Variants in TOM1L2 observed in about 807,000 individuals in gnomAD.
TOM1L2 encodes target of myb1 like 2 membrane trafficking protein, also known as TOM1-like protein 2.
TOM1L2 carries 31 observed loss-of-function variants against 67.9 expected under a neutral mutation model. That is an observed-to-expected ratio of 0.46 (90% CI 0.34 to 0.62). The LOEUF (loss-of-function observed/expected upper bound fraction) is 0.62, where lower values mean the gene tolerates loss of function less well. Among genes scored for constraint, TOM1L2 ranks in the 20% least tolerant of loss-of-function variants. The pLI is 0.01. For synonymous variants in TOM1L2, 256 were observed against 254.0 expected (o/e 1.01, Z -0.07); for missense variants, 606 against 663.5 (o/e 0.91, Z 0.95).
chr17:17,894,917 C>CAA (rs1568193620), intron 3 of TOM1L2, among the ~76,000 whole-genome samples: 1 of 151,770 alleles, frequency 6.6e-6, no homozygotes, highest in African/African-American at 2.4e-5. Flanking sequence ...GGCAACAGAA[C>CAA]AAAACTCTGT....
rs2035732122 is a variant in TOM1L2, at chr17:17,847,802, C to A, written c.1376-19G>T. On this transcript the variant is annotated intron_variant, in intron 14 of 14. Coordinates refer to ENST00000379504, the MANE Select transcript of TOM1L2 (RefSeq NM_001082968.2). ...TCAAACTCTGCAATACAAACCAAGG[C>A]AAGGGTCAGGGTTGGTGAGGGCAGG... is the stretch of plus-strand genomic sequence containing the variant. The A allele has an allele frequency of 6.2e-7, 1 of 1,613,650 alleles. No individual in the cohort carries two copies. Among genetic ancestry groups the A allele is most frequent in the Non-Finnish European group, 8.5e-7 (1 of 1,179,896 alleles).
chr17:17,908,978 C>T (rs573269918), intron 1 of TOM1L2, among the ~76,000 whole-genome samples: 38 of 152,200 alleles, frequency 2.5e-4, no homozygotes, highest in South Asian at 8.3e-4. Flanking sequence ...GTCAGGAGAT[C>T]GAGACCATCT....
chr17:17,925,249 T>C (rs1324835418), intron 1 of TOM1L2, among the ~76,000 whole-genome samples: 1 of 152,092 alleles, frequency 6.6e-6, no homozygotes, highest in Non-Finnish European at 1.5e-5. Flanking sequence ...ATACAGCCAT[T>C]ATAAGTAATA....
intron 3 of TOM1L2, among the ~76,000 whole-genome samples, chr17:17,897,745 C>T (rs1598290624): frequency 6.6e-6 from 1 of 152,120 alleles, no homozygotes. Context: ...CTCAGTACAC[C>T]TCACTAGCTG....
chr17:17,970,947 G>A (rs1193963112), intron 1 of TOM1L2, among the ~76,000 whole-genome samples: 1 of 152,172 alleles, frequency 6.6e-6, no homozygotes, highest in African/African-American at 2.4e-5. Flanking sequence ...TGATCAAGTG[G>A]CATAAGCCAC....
chr17:17,947,887 A>G (rs1187599312), intron 1 of TOM1L2, among the ~76,000 whole-genome samples: 1 of 152,192 alleles, frequency 6.6e-6, no homozygotes, highest in Non-Finnish European at 1.5e-5. Flanking sequence ...AAAATAAAGA[A>G]AAATCTTTGT....
chr17:17,951,199 T>C (rs2144898064), intron 1 of TOM1L2, among the ~76,000 whole-genome samples: 1 of 152,244 alleles, frequency 6.6e-6, no homozygotes, highest in South Asian at 2.1e-4. Flanking sequence ...GCAAGGAAAA[T>C]GACCAGCACC....
intron 6 of TOM1L2, among the ~76,000 whole-genome samples, chr17:17,881,883 T>C (rs777786312): frequency 5.9e-5 from 9 of 152,330 alleles, no homozygotes; most frequent in Non-Finnish European, 1.2e-4. Flanking sequence ...GCTTGACCCC[T>C]CTGCTTCAGT....
At chr17:17,902,150 T>G (rs2038887483) in intron 2 of TOM1L2, among the ~76,000 whole-genome samples, 1 of 152,180 alleles carries the variant, frequency 6.6e-6, no homozygotes, top group African/African-American at 2.4e-5. Context: ...CACTCCAGCC[T>G]GGGCGACAAG....
intron 1 of TOM1L2, among the ~76,000 whole-genome samples, chr17:17,948,828 A>T (rs1470743128): frequency 6.6e-6 from 1 of 151,254 alleles, no homozygotes; most frequent in Non-Finnish European, 1.5e-5. Flanking sequence ...TCAACCCCAC[A>T]CTCTCCACAC....
intron 2 of TOM1L2, among the ~76,000 whole-genome samples, chr17:17,904,858 G>C (rs1053054508): frequency 6.6e-6 from 1 of 152,172 alleles, no homozygotes; most frequent in Admixed American, 6.5e-5. Context: ...AGCCCCTCCA[G>C]GAAGCATTGA....
chr17:17,896,156 T>C (rs1300646071), intron 3 of TOM1L2, among the ~76,000 whole-genome samples: 13 of 152,118 alleles, frequency 8.5e-5, no homozygotes, highest in Non-Finnish European at 1.3e-4. Context: ...ATGGGGGCAC[T>C]GAAATGAACC....
chr17:17,868,053 A>G (rs188167986), intron 8 of TOM1L2, among the ~76,000 whole-genome samples: 4 of 152,244 alleles, frequency 2.6e-5, no homozygotes, highest in African/African-American at 2.4e-5. Context: ...GAAAATACTC[A>G]TATTAGTTAG....
intron 1 of TOM1L2, among the ~76,000 whole-genome samples, chr17:17,947,409 C>A (rs1295818930): frequency 6.6e-6 from 1 of 152,152 alleles, no homozygotes; most frequent in Non-Finnish European, 1.5e-5. Context: ...ACCAGTACCT[C>A]ACAATATGAC....
In TOM1L2 at chr17:17,847,555, G is replaced by C. The variant is rs1395537721; in HGVS notation, c.*80C>G. 5.3e-6 allele frequency: 8 copies of C among 1,515,446 alleles called. No homozygotes were observed. The highest frequency in any genetic ancestry group is 7.1e-6 in the Non-Finnish European group (8 of 1,132,380). 93.9% of individuals were successfully genotyped at this position (1,515,446 alleles called of 1,614,324 possible). ...GGTGTGCAGGCCGTGTGGAGCTGGG[G>C]ATGTAGGAGTGGCCAGTGCCCGGTG... On this transcript the variant is annotated 3_prime_UTR_variant, in exon 15 of 15. Coordinates refer to ENST00000379504, the MANE Select transcript of TOM1L2 (RefSeq NM_001082968.2).
At chr17:17,884,484 C>T (rs903621055) in intron 5 of TOM1L2, 150 bp downstream of exon 5, 1 of 1,015,164 alleles carries the variant, frequency 9.9e-7, no homozygotes. Flanking sequence ...CCTGCATGCC[C>T]CTTGTTATTA....
At chr17:17,878,400 C>A (rs906812477) in intron 7 of TOM1L2, among the ~76,000 whole-genome samples, 1 of 152,220 alleles carries the variant, frequency 6.6e-6, no homozygotes, top group African/African-American at 2.4e-5. Flanking sequence ...CTATTTCCTG[C>A]AAAAAGCTGC....
chr17:17,864,508 C>CTTTT (rs1170977424), intron 10 of TOM1L2, among the ~76,000 whole-genome samples: 1 of 139,894 alleles, frequency 7.1e-6, no homozygotes, highest in Non-Finnish European at 1.6e-5. Flanking sequence ...CCGCACCCGG[C>CTTTT]TTTTTTTTTT....
intron 7 of TOM1L2, among the ~76,000 whole-genome samples, chr17:17,873,663 GC>G (rs373442514): frequency 2.5e-4 from 38 of 152,340 alleles, no homozygotes; most frequent in African/African-American, 8.9e-4. Flanking sequence ...CAGAGCCCTA[GC>G]CCCAGCTGGG....
Sources: gnomAD v4.1 joint callset for allele counts (sites outside exome capture counted in the v4.1 genomes callset) on GRCh38, gnomAD v4.1.1 for gene constraint, MANE v1.5 for transcripts, NCBI Gene and HGNC (gene_info 2026-07-23, HGNC 2026-07-21) for gene names.